Variants in DACH2 observed in about 807,000 individuals in gnomAD.
DACH2 encodes the protein dachshund family transcription factor 2, also known as dachshund homolog 2.
DACH2 carries 17 observed loss-of-function variants against 35.8 expected under a neutral mutation model. The observed-to-expected ratio is 0.48, with a 90% CI of 0.33 to 0.71. The LOEUF (loss-of-function observed/expected upper bound fraction) is 0.71. Ranked by LOEUF, DACH2 falls within the 30% of genes least tolerant of loss-of-function variation. DACH2 has a pLI of 0.02. For missense variants in DACH2, 469 were observed against 472.7 expected (o/e 0.99, Z 0.07); for synonymous variants, 195 against 177.3 (o/e 1.10, Z -0.79).
chrX:86,651,488 C>T (rs571652889), intron 4 of DACH2, among the ~76,000 whole-genome samples: 6 of 111,509 alleles, frequency 5.4e-5, no homozygotes, highest in African/African-American at 2.0e-4. Flanking sequence ...GTTTCTTATT[C>T]CATCCTATTC....
intron 3 of DACH2, among the ~76,000 whole-genome samples, chrX:86,542,277 T>A (rs2038895207): frequency 9.0e-6 from 1 of 111,514 alleles, no homozygotes; most frequent in Admixed American, 9.6e-5. Flanking sequence ...TGTGTTGGTG[T>A]CGGGAGGTGG....
intron 1 of DACH2, among the ~76,000 whole-genome samples, chrX:86,355,081 A>C (rs1287609113): frequency 1.8e-5 from 2 of 111,340 alleles, no homozygotes; most frequent in African/African-American, 6.5e-5. Context: ...AGTAGGCCTC[A>C]GTATCTATTG....
intron 1 of DACH2, among the ~76,000 whole-genome samples, chrX:86,244,268 A>G (rs1267735188): frequency 8.9e-6 from 1 of 112,165 alleles, no homozygotes; most frequent in Non-Finnish European, 1.9e-5. Context: ...TTTCTGTTCT[A>G]TAATCATCCT....
At chrX:86,152,426 A>T (rs779729350) in intron 1 of DACH2, among the ~76,000 whole-genome samples, 1 of 111,797 alleles carries the variant, frequency 8.9e-6, no homozygotes, top group African/African-American at 3.2e-5. Context: ...AGAAAAATGA[A>T]TGAGTAAAAT....
chrX:86,234,446 T>A (rs1350086583), intron 1 of DACH2, among the ~76,000 whole-genome samples: 2 of 111,024 alleles, frequency 1.8e-5, no homozygotes, highest in Middle Eastern at 4.3e-3. Context: ...CCCAACCCCA[T>A]TTTTATAGAC....
At chrX:86,191,765 AC>A (rs1349225206) in intron 1 of DACH2, among the ~76,000 whole-genome samples, 1 of 110,551 alleles carries the variant, frequency 9.0e-6, no homozygotes, top group Non-Finnish European at 1.9e-5. Flanking sequence ...ACGTAATGAA[AC>A]CCTGTCTCTA....
At chrX:86,451,184 G>T (rs1240464795) in intron 2 of DACH2, among the ~76,000 whole-genome samples, 1 of 111,453 alleles carries the variant, frequency 9.0e-6, no homozygotes, top group Non-Finnish European at 1.9e-5. Context: ...TTCTTCTAGG[G>T]TTTTAGGTTT....
intron 1 of DACH2, among the ~76,000 whole-genome samples, chrX:86,243,311 A>T (rs2033208451): frequency 1.8e-5 from 2 of 111,852 alleles, no homozygotes; most frequent in South Asian, 7.5e-4. Context: ...AATATTTGTC[A>T]AATAGGTAGA....
At chrX:86,731,822 G>T (rs749029114) in intron 6 of DACH2, among the ~76,000 whole-genome samples, 3 of 111,722 alleles carry the variant, frequency 2.7e-5, no homozygotes, top group Admixed American at 9.5e-5. Flanking sequence ...TAGAAGCTTA[G>T]ATTCCAAAGA....
At chrX:86,739,392 C>A (rs1250716612) in intron 6 of DACH2, among the ~76,000 whole-genome samples, 1 of 111,272 alleles carries the variant, frequency 9.0e-6, no homozygotes, top group Non-Finnish European at 1.9e-5. Context: ...ACACTCCAGG[C>A]CTTGCCATGA....
At position 86,767,819 on chromosome X, in the gene DACH2, A is replaced by G. The variant is rs189700409; in HGVS notation, c.1240+27937A>G. On this transcript the variant is annotated intron_variant, in intron 7 of 11. Transcript: ENST00000373125. Reference sequence around the variant, plus strand: ...TGACACTGCTAATAAGCACAACACCAGAATTTGAACCCAAGTGTTCCAAGT... The same window carrying G: ...TGACACTGCTAATAAGCACAACACCGGAATTTGAACCCAAGTGTTCCAAGT... 1.6e-3 allele frequency among the ~76,000 whole-genome samples: 178 copies of G among 112,241 alleles called. 1 individual carries two copies. Among genetic ancestry groups the G allele is most frequent in the Non-Finnish European group, 2.7e-3 (145 of 53,206 alleles).
In DACH2 at chrX:86,714,560, C is replaced by A. The variant is rs760728317; in HGVS notation, c.944C>A (p.Pro315Gln). The change falls in exon 6 of 12, where the codon CCA becomes CAA. Residue 315 changes from proline to glutamine, a missense_variant. Around this residue, in one of 3 missense-constraint regions of DACH2, gnomAD observed 363 missense variants for 334.4 expected, o/e 1.09. Transcript: ENST00000373125. The part of the protein sequence containing the change: ...NHLLTNRLDL[P>Q]FMMMPHPLLP... The stretch of plus-strand genomic sequence containing the variant: ...CTGTCTCTTTTAGGACTGGATCTGC[C>A]ATTTATGATGATGCCTCATCCCCTA... The A allele has an allele frequency of 1.7e-6, 2 of 1,200,737 alleles. No individual in the cohort carries two copies. Among genetic ancestry groups the A allele is most frequent in the East Asian group, 5.9e-5 (2 of 33,628 alleles).
chrX:86,195,389 C>T (rs1284671292), intron 1 of DACH2, among the ~76,000 whole-genome samples: 3 of 111,566 alleles, frequency 2.7e-5, no homozygotes, highest in African/African-American at 9.8e-5. Context: ...CTGCCTGTGG[C>T]ACACAGAGAA....
intron 7 of DACH2, among the ~76,000 whole-genome samples, chrX:86,795,940 AG>A (rs2042232686): frequency 9.1e-6 from 1 of 110,151 alleles, no homozygotes; most frequent in African/African-American, 3.3e-5. Flanking sequence ...CAGCTCATAA[AG>A]GTAGTGCGGA....
Position 86,148,469 on chromosome X carries a change from G to A in DACH2, c.-152G>A. 1.6e-6 allele frequency: 1 copy of A among 627,278 alleles called. No homozygotes were observed. Among genetic ancestry groups the A allele is most frequent in the Non-Finnish European group, 2.4e-6 (1 of 421,494 alleles). 51.7% of individuals were successfully genotyped at this position (627,278 alleles called of 1,213,427 possible). Reference sequence around the variant, plus strand: ...GCTGCTCACTGTTTGTTGAGCTTGAGCGTGAGCCGGCTGCTGAAGACTTGC... The same window carrying A: ...GCTGCTCACTGTTTGTTGAGCTTGAACGTGAGCCGGCTGCTGAAGACTTGC... On this transcript the variant is annotated 5_prime_UTR_variant, in exon 1 of 12. Coordinates refer to ENST00000373125, the MANE Select transcript of DACH2 (RefSeq NM_053281.3).
intron 1 of DACH2, among the ~76,000 whole-genome samples, chrX:86,319,177 AT>A (rs2034970703): frequency 8.9e-6 from 1 of 112,035 alleles, no homozygotes; most frequent in Non-Finnish European, 1.9e-5. Context: ...ACAGAAAAAA[AT>A]ACCCTTCTGA....
At chrX:86,643,681 C>A (rs939576327) in intron 3 of DACH2, among the ~76,000 whole-genome samples, 1 of 111,111 alleles carries the variant, frequency 9.0e-6, no homozygotes, top group Admixed American at 9.6e-5. Context: ...AGGTGAATAT[C>A]CTTGATGAAT....
intron 1 of DACH2, among the ~76,000 whole-genome samples, chrX:86,294,092 G>T (rs2034381201): frequency 9.0e-6 from 1 of 111,143 alleles, no homozygotes; most frequent in Non-Finnish European, 1.9e-5. Context: ...TTTTCACATA[G>T]TCCCATATTT....
intron 6 of DACH2, among the ~76,000 whole-genome samples, chrX:86,716,355 A>G (rs1337916056): frequency 8.9e-6 from 1 of 111,783 alleles, no homozygotes; most frequent in African/African-American, 3.2e-5. Flanking sequence ...CTGGATGGCT[A>G]TTAAGAAAAT....
Sources: allele counts gnomAD v4.1 joint callset (sites outside exome capture counted in the v4.1 genomes callset), GRCh38; gene constraint gnomAD v4.1.1; regional missense constraint gnomAD v4.1.1; transcripts MANE v1.5; gene names NCBI Gene and HGNC (gene_info 2026-07-23, HGNC 2026-07-21).